The following CRYBG3 variants were observed in gnomAD, a reference collection of about 807,000 sequenced individuals.
The protein encoded by CRYBG3 is crystallin beta-gamma domain containing 3, also known as very large A-kinase anchor protein.
CRYBG3 carries 127 observed loss-of-function variants against 244.2 expected under a neutral mutation model. The ratio of observed to expected loss-of-function variants is 0.52; its 90% CI spans 0.45 to 0.60. CRYBG3 has a LOEUF of 0.60. Ranked by LOEUF, CRYBG3 falls within the 20% of genes least tolerant of loss-of-function variation. CRYBG3 has a pLI of 0.00. For synonymous variants in CRYBG3, 1,132 were observed against 1,195.8 expected (o/e 0.95, Z 1.10); for missense variants, 3,325 against 3,442.5 (o/e 0.97, Z 0.85).
intron 18 of CRYBG3, 128 bp downstream of exon 18, chr3:97,933,961 G>C: frequency 1.6e-6 from 1 of 638,512 alleles, no homozygotes; most frequent in Non-Finnish European, 2.7e-6. Flanking sequence ...CTTTGGAAGA[G>C]AAGGGCTACC....
In CRYBG3 at chr3:97,871,952, C is replaced by A; in HGVS notation, c.758C>A (p.Thr253Asn). The change falls in exon 4 of 22, where the codon ACC becomes AAC. Residue 253 changes from threonine to asparagine, a missense_variant. This residue lies in a region of CRYBG3 where 1,526 missense variants were observed against 1,443.2 expected (regional missense o/e 1.06). Coordinates refer to ENST00000389622, the MANE Select transcript of CRYBG3 (RefSeq NM_153605.4). ...CAGACAGGCTTGGCAACTGTGAATA[C>A]CTTGGACAGAGAAAATGAAAGTTCT... Reference protein sequence around the residue: ...KQQTGLATVNTLDRENESSDS... With the variant: ...KQQTGLATVNNLDRENESSDS... 6.5e-7 allele frequency: 1 copy of A among 1,535,736 alleles called. No individual in the cohort carries two copies. Among genetic ancestry groups the A allele is most frequent in the Non-Finnish European group, 8.7e-7 (1 of 1,146,676 alleles).
In CRYBG3 at chr3:97,873,052, A is replaced by AT; in HGVS notation, c.1861dup (p.Ser621PhefsTer6). ...GAAATTTGAACTTAATAGAAGTCAC[A>AT]TTTCAGAAACTCCTCTTGACTCTGA... On this transcript the variant is annotated frameshift_variant, in exon 4 of 22. Transcript: ENST00000389622. LOFTEE classifies it high-confidence loss of function. 1 of 1,534,896 alleles carries AT rather than the reference A, an allele frequency of 6.5e-7. No homozygotes were observed.
intron 16 of CRYBG3, among the ~76,000 whole-genome samples, chr3:97,915,012 T>C (rs1231492349): frequency 1.3e-5 from 2 of 152,192 alleles, no homozygotes; most frequent in African/African-American, 4.8e-5. Flanking sequence ...GATTTATTTC[T>C]TTTTAAAATT....
At chr3:97,862,673 T>C (rs1314068428) in intron 2 of CRYBG3, among the ~76,000 whole-genome samples, 1 of 152,160 alleles carries the variant, frequency 6.6e-6, no homozygotes, top group African/African-American at 2.4e-5. Flanking sequence ...TGACTTATAG[T>C]GCCAGCTCTC....
chr3:97,896,190 A>T, intron 12 of CRYBG3, 105 bp downstream of exon 12: 1 of 1,077,552 alleles, frequency 9.3e-7, no homozygotes, highest in Non-Finnish European at 1.3e-6. Context: ...TATTTCTAAC[A>T]CCCAAGAGTA....
chr3:97,924,364 T>C (rs1208904687), intron 17 of CRYBG3: 12 of 450,680 alleles, frequency 2.7e-5, no homozygotes, highest in African/African-American at 2.2e-4. Context: ...GATACTGCAG[T>C]AGGATGGATT....
At position 97,873,595 on chromosome 3, in the gene CRYBG3, G is replaced by C. The variant is rs545439871; in HGVS notation, c.2401G>C (p.Asp801His). The change falls in exon 4 of 22, where the codon GAT becomes CAT. Residue 801 changes from aspartate to histidine, a missense_variant. Physicochemically the swap from Asp to His is moderately conservative, Grantham distance 81 (BLOSUM62 -1). Transcript: ENST00000389622. ...KANMSIIEKS[D>H]SLSLEAKTAN... The stretch of plus-strand genomic sequence containing the variant: ...AAATATGAGCATAATAGAGAAGTCT[G>C]ATTCTCTTTCCTTGGAAGCCAAAAC... 7.2e-6 allele frequency: 11 copies of C among 1,534,510 alleles called. No homozygotes were observed. The East Asian group carries it at 2.4e-4, about 34-fold the overall frequency.
intron 15 of CRYBG3, among the ~76,000 whole-genome samples, chr3:97,911,653 G>A (rs1300668827): frequency 6.6e-6 from 1 of 152,176 alleles, no homozygotes; most frequent in South Asian, 2.1e-4. Context: ...GGCACTCTTA[G>A]TGCTTGCTTA....
At position 97,933,725 on chromosome 3, in the gene CRYBG3, C is replaced by G. The variant is rs2040124741; in HGVS notation, c.8273C>G (p.Ala2758Gly). The change falls in exon 18 of 22, where the codon GCT (alanine) becomes GGT (glycine). Residue 2758 changes from alanine to glycine, a missense_variant. Ala to Gly is a moderately conservative substitution (Grantham distance 60, BLOSUM62 0). Transcript: ENST00000389622. Reference protein sequence around the residue: ...VFEEPSISLFALEHCEGRELH... With the variant: ...VFEEPSISLFGLEHCEGRELH... ...GAAGAACCCTCCATCAGCCTTTTTG[C>G]TCTGGAGCATTGTGAGGGAAGAGAG... 1.2e-6 allele frequency: 2 copies of G among 1,612,984 alleles called. No homozygotes were observed. The highest frequency in any genetic ancestry group is 1.7e-6 in the Non-Finnish European group (2 of 1,179,316).
chr3:97,862,272 A>G (rs953092005), intron 2 of CRYBG3, among the ~76,000 whole-genome samples: 4 of 152,202 alleles, frequency 2.6e-5, no homozygotes, highest in Non-Finnish European at 4.4e-5. Context: ...TGAGATTTTA[A>G]TGATGTTAAA....
intron 2 of CRYBG3, among the ~76,000 whole-genome samples, chr3:97,848,121 A>G (rs1040635531): frequency 1.3e-5 from 2 of 152,170 alleles, no homozygotes; most frequent in African/African-American, 4.8e-5. Context: ...GCATCTGTTC[A>G]TATTTTGATT....
Position 97,872,998 on chromosome 3 carries a change from A to C in CRYBG3, c.1804A>C (p.Ser602Arg), listed in dbSNP as rs1433914544. 1 of 1,535,768 alleles carries C rather than the reference A, an allele frequency of 6.5e-7. No individual in the cohort carries two copies. Among genetic ancestry groups the C allele is most frequent in the African/African-American group, 1.4e-5 (1 of 73,026 alleles). ...CATCAGTGAATCAGCAGTTGTAGCA[A>C]GCTTAGGAAATGAAAATGCACCTGA... is the stretch of plus-strand genomic sequence containing the variant. ...NYISESAVVA[S>R]LGNENAPELK... Residue 602 changes from serine (S) to arginine (R), a missense_variant, in exon 4 of 22, where the codon AGC becomes CGC. This residue lies in a region of CRYBG3 where 1,526 missense variants were observed against 1,443.2 expected (regional missense o/e 1.06). Coordinates refer to ENST00000389622, the MANE Select transcript of CRYBG3 (RefSeq NM_153605.4).
At chr3:97,886,140 C>G (rs1048518822) in intron 7 of CRYBG3, among the ~76,000 whole-genome samples, 1 of 152,150 alleles carries the variant, frequency 6.6e-6, no homozygotes, top group African/African-American at 2.4e-5. Flanking sequence ...ACCCTCACCT[C>G]TAATGACTAT....
At chr3:97,928,564 G>T (rs7429891) in intron 17 of CRYBG3, among the ~76,000 whole-genome samples, 45,978 of 151,500 alleles carry the variant, frequency 0.3, 7,645 homozygotes, top group East Asian at 0.53. Context: ...AATAAAAGTT[G>T]ATAGGAAAAA....
In CRYBG3 at chr3:97,856,755, C is replaced by T. The variant is rs149699541; in HGVS notation, c.217-7462C>T. Among the ~76,000 whole-genome samples, 121 of 151,978 alleles carry T rather than the reference C, an allele frequency of 8.0e-4. No homozygotes were observed. The East Asian group carries it at 0.019, about 24-fold the overall frequency. ...GCCTTTGTATTATGGTGGTATCGGT[C>T]ATCATGTCTCCTTTTTCAATTCTGA... On this transcript the variant is annotated intron_variant, in intron 2 of 21. Coordinates refer to ENST00000389622, the MANE Select transcript of CRYBG3 (RefSeq NM_153605.4).
intron 16 of CRYBG3, among the ~76,000 whole-genome samples, chr3:97,913,491 C>T (rs1283647067): frequency 6.6e-6 from 1 of 152,180 alleles, no homozygotes; most frequent in Non-Finnish European, 1.5e-5. Context: ...CCAATAGGCA[C>T]AGCTGCGTTC....
chr3:97,841,341 C>CGT (rs1559715166), intron 1 of CRYBG3, among the ~76,000 whole-genome samples: 1 of 149,510 alleles, frequency 6.7e-6, no homozygotes, highest in Non-Finnish European at 1.5e-5. Flanking sequence ...TGTATATATG[C>CGT]ATATATATAT....
chr3:97,882,862 G>T (rs982942200), intron 7 of CRYBG3, among the ~76,000 whole-genome samples: 2 of 152,202 alleles, frequency 1.3e-5, no homozygotes, highest in African/African-American at 4.8e-5. Context: ...CTGCAAAGCT[G>T]TAGGCAAACC....
rs1177087104 is a variant in CRYBG3 at position 97,872,482 on chromosome 3, C to T, written c.1288C>T (p.Gln430Ter). ...LVQREELVEP[Q>*]GPAISDFSCS... is the part of the protein sequence containing the mutation. ...GCAAAGAGAGGAGCTTGTTGAGCCT[C>T]AGGGCCCTGCTATTTCTGATTTCTC... Residue 430 changes from glutamine (Q) to a stop codon, truncating the protein, a stop_gained, in exon 4 of 22, where the codon CAG becomes TAG. Coordinates refer to ENST00000389622, the MANE Select transcript of CRYBG3 (RefSeq NM_153605.4). LOFTEE classifies it high-confidence loss of function. 5.2e-6 allele frequency: 8 copies of T among 1,535,870 alleles called. No individual in the cohort carries two copies. Among genetic ancestry groups the T allele is most frequent in the Non-Finnish European group, 7.0e-6 (8 of 1,146,840 alleles).
Sources: allele counts gnomAD v4.1 joint callset (sites outside exome capture counted in the v4.1 genomes callset), GRCh38; gene constraint gnomAD v4.1.1; regional missense constraint gnomAD v4.1.1; transcripts MANE v1.5; gene names NCBI Gene and HGNC (gene_info 2026-07-23, HGNC 2026-07-21).